The following COL13A1 variants were observed in gnomAD, a reference collection of about 807,000 sequenced individuals.
COL13A1 encodes collagen alpha-1(XIII) chain.
COL13A1 carries 89 observed loss-of-function variants against 130.9 expected under a neutral mutation model. The observed-to-expected ratio is 0.68, with a 90% confidence interval of 0.57 to 0.81. COL13A1 has a LOEUF of 0.81. Ranked by LOEUF, COL13A1 falls within the 30% of genes least tolerant of loss-of-function variation. The pLI is 0.00. For missense variants in COL13A1, 879 were observed against 934.6 expected, an observed-to-expected ratio of 0.94 and a Z score of 0.78; for synonymous variants, 402 against 341.6, an observed-to-expected ratio of 1.18 and a Z score of -1.95.
chr10:69,898,605 G>A lies in COL13A1; in HGVS notation c.685-92G>A, dbSNP rs760397830. 1.7e-5 allele frequency: 18 copies of A among 1,042,262 alleles called. 1 individual carries two copies. Among genetic ancestry groups the A allele is most frequent in the Non-Finnish European group, 2.3e-5 (16 of 699,058 alleles). The allele number at this position is 1,042,262 out of a possible 1,614,324, so 64.6% of individuals were successfully genotyped here. On this transcript the variant is annotated intron_variant, in intron 13 of 40. Transcript: ENST00000645393. ...TCCTCTGCTCCGGTCCCTCTTGGTT[G>A]CCCTGCCCTCCTGGTGACTTTTGGC... is the stretch of plus-strand genomic sequence containing the variant.
intron 35 of COL13A1, among the ~76,000 whole-genome samples, chr10:69,942,673 C>T (rs1052881341): frequency 2.0e-5 from 3 of 152,206 alleles, no homozygotes; most frequent in Non-Finnish European, 4.4e-5. Context: ...ATGCTTGCTA[C>T]GCATTCATGC....
At chr10:69,850,220 A>T (rs1854356339) in intron 2 of COL13A1, among the ~76,000 whole-genome samples, 1 of 151,466 alleles carries the variant, frequency 6.6e-6, no homozygotes, top group Non-Finnish European at 1.5e-5. Flanking sequence ...TCATTAAATC[A>T]CTGAGTTTGG....
At position 69,896,482 on chromosome 10, in the gene COL13A1, C is replaced by T. The variant is rs569910812; in HGVS notation, c.684+906C>T. On this transcript the variant is annotated intron_variant, in intron 13 of 40. Coordinates refer to ENST00000645393, the MANE Select transcript of COL13A1 (RefSeq NM_001368882.1). The stretch of plus-strand genomic sequence containing the variant: ...ATGAGCATCTTTAGGCATCTCTCCC[C>T]GCTGTCATGTGCCCCATGGTGCTCA... Among the ~76,000 whole-genome samples, 5 of 152,316 alleles carry T rather than the reference C, an allele frequency of 3.3e-5. No individual in the cohort carries two copies. The South Asian group carries it at 8.3e-4, about 25-fold the overall frequency.
At chr10:69,805,282 G>A (rs1841249380) in intron 1 of COL13A1, among the ~76,000 whole-genome samples, 1 of 152,212 alleles carries the variant, frequency 6.6e-6, no homozygotes, top group African/African-American at 2.4e-5. Context: ...ACAGAAGGCT[G>A]CTGCAGGCCA....
chr10:69,869,845 G>A (rs2058881555), intron 3 of COL13A1, among the ~76,000 whole-genome samples: 1 of 152,236 alleles, frequency 6.6e-6, no homozygotes, highest in Non-Finnish European at 1.5e-5. Flanking sequence ...AAGTAGGGAT[G>A]TATCTTTCTC....
rs768077815 is a variant in COL13A1 at position 69,921,942 on chromosome 10, G to A, written c.1143+7G>A. On this transcript the variant is annotated splice_region_variant and intron_variant, in intron 22 of 40. Transcript: ENST00000645393. ...TGGCCTCCTGGGGCAGAAGGTAGGT[G>A]TTGCTCTGAATGGAGGGTTCAAGTC... 3.7e-6 allele frequency: 6 copies of A among 1,601,888 alleles called. No homozygotes were observed. The highest frequency in any genetic ancestry group is 1.1e-5 in the South Asian group (1 of 88,116).
At chr10:69,886,527 C>T (rs1039995324) in intron 7 of COL13A1, among the ~76,000 whole-genome samples, 6 of 152,106 alleles carry the variant, frequency 3.9e-5, no homozygotes, top group African/African-American at 1.4e-4. Flanking sequence ...TGTGTCTGAG[C>T]ATGGAATAGA....
In COL13A1 at chr10:69,944,246, G is replaced by A. The variant is rs1677648536; in HGVS notation, c.1968+68G>A. 27 of 1,334,628 alleles carry A rather than the reference G, an allele frequency of 2.0e-5. No individual in the cohort carries two copies. The South Asian group carries it at 2.9e-4, about 15-fold the overall frequency. 82.7% of individuals were successfully genotyped at this position (1,334,628 alleles called of 1,614,324 possible). A position where few individuals can be genotyped will look rare whatever the true frequency, so the allele number is the denominator to read the frequency against. ...AGGCATGCCTGGGACCCAACACCAG[G>A]GGTCTCAGCCCTCATGCCTTCCTTC... On this transcript the variant is annotated intron_variant, in intron 36 of 40. Coordinates refer to ENST00000645393, the MANE Select transcript of COL13A1 (RefSeq NM_001368882.1).
At chr10:69,892,462 G>A (rs1440398957) in intron 10 of COL13A1, among the ~76,000 whole-genome samples, 3 of 152,194 alleles carry the variant, frequency 2.0e-5, no homozygotes, top group South Asian at 2.1e-4. Flanking sequence ...TAGTTGGGGG[G>A]TGGACAAGAT....
At chr10:69,893,022 G>A (rs1258379902) in intron 10 of COL13A1, among the ~76,000 whole-genome samples, 1 of 152,148 alleles carries the variant, frequency 6.6e-6, no homozygotes, top group Non-Finnish European at 1.5e-5. Flanking sequence ...CGGGTTCCCT[G>A]CCGGATGAAT....
chr10:69,902,804 A>T lies in COL13A1; in HGVS notation c.807A>T (p.Gly269=). The T allele has an allele frequency of 6.4e-7, 1 of 1,551,916 alleles. No individual in the cohort carries two copies. Among genetic ancestry groups the T allele is most frequent in the Non-Finnish European group, 8.7e-7 (1 of 1,147,082 alleles). Residue 269 remains glycine (G), a synonymous_variant, in exon 15 of 41, where the codon GGA becomes GGT. Coordinates refer to ENST00000645393, the MANE Select transcript of COL13A1 (RefSeq NM_001368882.1). ...CACCAGGGCCCCCAGGCCCCCCTGG[A>T]CCAAGTGGACCTCTGGGGCACCCAG... ...QGPPGPPGPP[G]PSGPLGHPGL... is the part of the protein sequence containing the mutation.
intron 2 of COL13A1, among the ~76,000 whole-genome samples, chr10:69,863,670 GC>G (rs750725424): frequency 2.0e-4 from 30 of 152,304 alleles, no homozygotes; most frequent in Non-Finnish European, 2.8e-4. Context: ...TGAGGGCCCA[GC>G]CGCCCCTTCC....
At chr10:69,887,102 T>C (rs751373445) in intron 7 of COL13A1, among the ~76,000 whole-genome samples, 17 of 152,082 alleles carry the variant, frequency 1.1e-4, no homozygotes, top group Non-Finnish European at 1.5e-5. Flanking sequence ...CGTCCAGGAG[T>C]TCCATGTGCT....
intron 38 of COL13A1, among the ~76,000 whole-genome samples, chr10:69,952,546 T>A (rs972811182): frequency 8.5e-5 from 13 of 152,204 alleles, no homozygotes; most frequent in Non-Finnish European, 1.6e-4. Flanking sequence ...AGGAAGTTGG[T>A]CCCTAGCCAC....
At chr10:69,819,470 A>C (rs1845469872) in intron 1 of COL13A1, among the ~76,000 whole-genome samples, 1 of 152,208 alleles carries the variant, frequency 6.6e-6, no homozygotes, top group South Asian at 2.1e-4. Context: ...CAGTCATGAC[A>C]GAGGCCCCAG....
intron 8 of COL13A1, 70 bp downstream of exon 8, chr10:69,887,561 T>G (rs1022194423): frequency 6.5e-7 from 1 of 1,530,398 alleles, no homozygotes; most frequent in Non-Finnish European, 9.0e-7. Context: ...AAACTTCATC[T>G]GAGGTCAGCC....
chr10:69,921,723 G>C (rs1361332616), intron 21 of COL13A1, among the ~76,000 whole-genome samples, 159 bp from the exon 22 acceptor site: 1 of 152,204 alleles, frequency 6.6e-6, no homozygotes, highest in Non-Finnish European at 1.5e-5. Context: ...GTCAGGATGG[G>C]GGCCGGGAGG....
rs1333975031 is a variant in COL13A1 at position 69,887,490 on chromosome 10, C to T, written c.548C>T (p.Pro183Leu). 8 of 1,613,346 alleles carry T rather than the reference C, an allele frequency of 5.0e-6. No individual in the cohort carries two copies. Among genetic ancestry groups the T allele is most frequent in the African/African-American group, 4.0e-5 (3 of 74,788 alleles). Reference sequence around the variant, plus strand: ...GGAACTAGAGGTTTCCCTGGATTTCCGGTAAGTGGAGAAGGCTGAAGTTAG... The same window carrying T: ...GGAACTAGAGGTTTCCCTGGATTTCTGGTAAGTGGAGAAGGCTGAAGTTAG... ...QPGTRGFPGF[P>L]GPIGLDGKPG... The change falls in exon 8 of 41, where the codon CCG becomes CTG. Residue 183 changes from proline (P) to leucine (L), a missense_variant and splice_region_variant. By Grantham distance (98) the Pro-to-Leu change is moderately conservative. Transcript: ENST00000645393.
Position 69,802,486 on chromosome 10 carries a change from C to T in COL13A1, c.63C>T (p.Gly21=), listed in dbSNP as rs1488973177. 2.6e-6 allele frequency: 4 copies of T among 1,520,646 alleles called. No homozygotes were observed. In the Admixed American group the frequency reaches 8.9e-5, roughly 34 times the overall value. 94.2% of individuals were successfully genotyped at this position (1,520,646 alleles called of 1,614,324 possible). A position where few individuals can be genotyped will look rare whatever the true frequency, so the allele number is the denominator to read the frequency against. ...GTGCCCGCGGCCCTGGGGAGTTGGG[C>T]GCGCCCGGGACGGTGGCTCTGGTGG... The part of the protein sequence containing the change: ...ATGARGPGEL[G]APGTVALVAA... The change falls in exon 1 of 41, where the codon GGC becomes GGT. Residue 21 remains glycine, a synonymous_variant. Transcript: ENST00000645393.
Sources: gnomAD v4.1 joint callset for allele counts (sites outside exome capture counted in the v4.1 genomes callset) on GRCh38, gnomAD v4.1.1 for gene constraint, MANE v1.5 for transcripts, NCBI Gene and HGNC (gene_info 2026-07-23, HGNC 2026-07-21) for gene names.